Variants in CSMD3 observed in about 807,000 individuals in gnomAD.
CSMD3 encodes CUB and sushi domain-containing protein 3.
CSMD3 carries 177 observed loss-of-function variants against 435.2 expected under a neutral mutation model. The ratio of observed to expected loss-of-function variants is 0.41; its 90% CI spans 0.36 to 0.46. CSMD3 has a LOEUF of 0.46. Among genes scored for constraint, CSMD3 ranks in the 20% least tolerant of loss-of-function variants. CSMD3 has a pLI of 0.34. For missense variants in CSMD3, 4,265 were observed against 4,504.6 expected, an observed-to-expected ratio of 0.95 and a Z score of 1.52; for synonymous variants, 1,656 against 1,520.5, an observed-to-expected ratio of 1.09 and a Z score of -2.07.
At chr8:113,049,001 G>A (rs1024174473) in intron 5 of CSMD3, among the ~76,000 whole-genome samples, 2 of 152,096 alleles carry the variant, frequency 1.3e-5, no homozygotes, top group African/African-American at 4.8e-5. Context: ...CACTTTGGGA[G>A]GCCGAGGCAA....
intron 10 of CSMD3, among the ~76,000 whole-genome samples, chr8:112,918,852 T>C (rs1318784756): frequency 6.6e-6 from 1 of 151,938 alleles, no homozygotes; most frequent in Non-Finnish European, 1.5e-5. Context: ...GCTATGTTAA[T>C]AATCTCTCAA....
intron 4 of CSMD3, among the ~76,000 whole-genome samples, chr8:113,137,535 C>T (rs2091447031): frequency 6.6e-6 from 1 of 151,564 alleles, no homozygotes; most frequent in Non-Finnish European, 1.5e-5. Context: ...GTTTTGGAGT[C>T]TCAGAAATCC....
chr8:112,578,687 G>C (rs1830123467), intron 23 of CSMD3, among the ~76,000 whole-genome samples: 1 of 152,018 alleles, frequency 6.6e-6, no homozygotes, highest in African/African-American at 2.4e-5. Flanking sequence ...CAGAGATATT[G>C]ACAAACTTTT....
chr8:113,220,895 G>C (rs2092958807), intron 3 of CSMD3, among the ~76,000 whole-genome samples: 1 of 151,370 alleles, frequency 6.6e-6, no homozygotes, highest in Non-Finnish European at 1.5e-5. Context: ...CATTACCTGT[G>C]TAGTATTCCA....
intron 12 of CSMD3, among the ~76,000 whole-genome samples, chr8:112,812,764 A>G (rs927503998): frequency 2.0e-5 from 3 of 152,210 alleles, no homozygotes; most frequent in African/African-American, 7.2e-5. Flanking sequence ...ATGTTTATTT[A>G]CAGGCTGAGT....
At chr8:112,592,775 A>C (rs1831308312) in intron 22 of CSMD3, among the ~76,000 whole-genome samples, 1 of 152,130 alleles carries the variant, frequency 6.6e-6, no homozygotes, top group Non-Finnish European at 1.5e-5. Flanking sequence ...TAATGTTCTT[A>C]ATAAAAATAA....
At chr8:112,519,894 G>T (rs1411173109) in intron 27 of CSMD3, among the ~76,000 whole-genome samples, 1 of 152,058 alleles carries the variant, frequency 6.6e-6, no homozygotes, top group Non-Finnish European at 1.5e-5. Flanking sequence ...CTTAAGTGTT[G>T]AATAGAGCGT....
At chr8:112,751,272 G>A (rs2077564206) in intron 13 of CSMD3, among the ~76,000 whole-genome samples, 1 of 151,942 alleles carries the variant, frequency 6.6e-6, no homozygotes, top group Non-Finnish European at 1.5e-5. Context: ...ATCTAGCTCA[G>A]TCACAATTCC....
chr8:112,877,386 C>T (rs1315096956), intron 10 of CSMD3, among the ~76,000 whole-genome samples: 1 of 151,898 alleles, frequency 6.6e-6, no homozygotes. Context: ...TAGACTCAGA[C>T]TTCTTGAGTA....
chr8:112,512,894 T>C (rs1324521029), intron 28 of CSMD3, among the ~76,000 whole-genome samples: 2 of 152,240 alleles, frequency 1.3e-5, no homozygotes, highest in African/African-American at 4.8e-5. Context: ...AGTACCTACA[T>C]ATTCACGTTC....
At chr8:112,867,708 C>CA (rs1427644919) in intron 10 of CSMD3, among the ~76,000 whole-genome samples, 1 of 151,870 alleles carries the variant, frequency 6.6e-6, no homozygotes, top group African/African-American at 2.4e-5. Flanking sequence ...AAATATCATA[C>CA]AAAAAAATTA....
At chr8:112,799,527 A>C (rs1274934428) in intron 13 of CSMD3, among the ~76,000 whole-genome samples, 1 of 152,030 alleles carries the variant, frequency 6.6e-6, no homozygotes, top group Non-Finnish European at 1.5e-5. Flanking sequence ...TTGCATTTCT[A>C]ATATGCACAT....
At chr8:112,442,699 G>A (rs1815165130) in intron 32 of CSMD3, among the ~76,000 whole-genome samples, 1 of 152,072 alleles carries the variant, frequency 6.6e-6, no homozygotes, top group South Asian at 2.1e-4. Flanking sequence ...AGCCTAACGT[G>A]TTTCTCTGAC....
intron 12 of CSMD3, among the ~76,000 whole-genome samples, chr8:112,826,594 C>T (rs968925153): frequency 2.0e-5 from 3 of 152,188 alleles, no homozygotes; most frequent in Non-Finnish European, 2.9e-5. Context: ...CCATGTGGCT[C>T]TCAGGTGGGC....
At position 113,415,389 on chromosome 8, in the gene CSMD3, C is replaced by A. The variant is rs533044077; in HGVS notation, c.178+21288G>T. Among the ~76,000 whole-genome samples, 6 of 152,150 alleles carry A rather than the reference C, an allele frequency of 3.9e-5. No individual in the cohort carries two copies. The South Asian group carries it at 1.2e-3, about 32-fold the overall frequency. ...AGAATAATCTACAAAAGTTAAAGAC[C>A]AGGCCTGTACAAAGAAGGCTATGAT... On this transcript the variant is annotated intron_variant, in intron 1 of 70. Transcript: ENST00000297405.
At chr8:113,340,469 T>C (rs557651270) in intron 1 of CSMD3, among the ~76,000 whole-genome samples, 5 of 152,306 alleles carry the variant, frequency 3.3e-5, no homozygotes, top group African/African-American at 9.6e-5. Flanking sequence ...TGTAGACTTA[T>C]ATTGTGCCTG....
intron 11 of CSMD3, among the ~76,000 whole-genome samples, chr8:112,838,721 A>C (rs946622466): frequency 2.6e-5 from 4 of 151,784 alleles, no homozygotes; most frequent in African/African-American, 9.7e-5. Flanking sequence ...CATATAATTC[A>C]GAATAATTCT....
At chr8:112,333,089 TC>T (rs1361379916) in intron 45 of CSMD3, among the ~76,000 whole-genome samples, 2 of 152,166 alleles carry the variant, frequency 1.3e-5, no homozygotes, top group Non-Finnish European at 2.9e-5. Flanking sequence ...AAAGTAGAGA[TC>T]AAAGTGTAAC....
intron 11 of CSMD3, among the ~76,000 whole-genome samples, chr8:112,853,851 G>C (rs1224195586): frequency 2.0e-5 from 3 of 151,994 alleles, no homozygotes; most frequent in South Asian, 4.2e-4. Flanking sequence ...TTTGATATTT[G>C]GGTTAGAACA....
Sources: allele counts gnomAD v4.1 joint callset (sites outside exome capture counted in the v4.1 genomes callset), GRCh38; gene constraint gnomAD v4.1.1; transcripts MANE v1.5; gene names NCBI Gene and HGNC (gene_info 2026-07-23, HGNC 2026-07-21).